Variants in ANKRD16 observed in about 807,000 individuals in gnomAD.
ANKRD16 encodes ankyrin repeat domain-containing protein 16.
In ANKRD16, 35 loss-of-function variants were observed where a neutral mutation model predicts 37.9. That is an observed-to-expected ratio of 0.92 (90% CI 0.71 to 1.23). The LOEUF is 1.23. ANKRD16 is among the 50% of genes most tolerant of loss of function. The pLI is 0.00. For synonymous variants in ANKRD16, 206 were observed against 197.2 expected, an observed-to-expected ratio of 1.04 and a Z score of -0.37; for missense variants, 480 against 469.9, an observed-to-expected ratio of 1.02 and a Z score of -0.20.
chr10:5,868,381 T>C lies in ANKRD16; in HGVS notation c.*34-5690A>G, dbSNP rs879441854. Among the ~76,000 whole-genome samples, 4 of 152,136 alleles carry C rather than the reference T, an allele frequency of 2.6e-5. No individual in the cohort carries two copies. Among genetic ancestry groups the C allele is most frequent in the South Asian group, 2.1e-4 (1 of 4,824 alleles). On this transcript the variant is annotated intron_variant, in intron 7 of 7. Coordinates refer to ENST00000380094, the MANE Select transcript of ANKRD16 (RefSeq NM_019046.3). The surrounding 1 kb of genome is among the most constrained non-coding windows in gnomAD (Gnocchi z 4.9). ...GTCATCACCCAATTCCCAGTAGCAG[T>C]TGGGGTGTTCCGTTTAGAGGGTGGG... is the stretch of plus-strand genomic sequence containing the variant.
chr10:5,881,889 G>A lies in ANKRD16; in HGVS notation c.849+1117C>T, dbSNP rs1355693391. Among the ~76,000 whole-genome samples, 5 of 151,522 alleles carry A rather than the reference G, an allele frequency of 3.3e-5. No homozygotes were observed. In the South Asian group the frequency reaches 8.4e-4, roughly 25 times the overall value. ...TTTTTAGTAGAGACGGGGTTTCACCGTGTTAGCCAGGATGGTCTCGATCTC... is the reference window on the plus strand; with the variant it reads ...TTTTTAGTAGAGACGGGGTTTCACCATGTTAGCCAGGATGGTCTCGATCTC... On this transcript the variant is annotated intron_variant, in intron 5 of 7. Coordinates refer to ENST00000380094, the MANE Select transcript of ANKRD16 (RefSeq NM_019046.3).
rs559944541 is a variant in ANKRD16, at chr10:5,878,564, C to T, written c.929-277G>A. 2.6e-3 allele frequency among the ~76,000 whole-genome samples: 399 copies of T among 151,964 alleles called. 2 individuals are homozygous for T. Among genetic ancestry groups the T allele is most frequent in the African/African-American group, 9.2e-3 (380 of 41,456 alleles). ...CCTGTAATCCCAGCACTCTGGGAGGCTGAGGTAGGCAGATCATGAGGTCAA... is the reference window on the plus strand; with the variant it reads ...CCTGTAATCCCAGCACTCTGGGAGGTTGAGGTAGGCAGATCATGAGGTCAA... On this transcript the variant is annotated intron_variant, in intron 6 of 7. Coordinates refer to ENST00000380094, the MANE Select transcript of ANKRD16 (RefSeq NM_019046.3). The surrounding 1 kb of genome is among the most constrained non-coding windows in gnomAD (Gnocchi z 5.1).
At position 5,878,041 on chromosome 10, in the gene ANKRD16, C is replaced by A; in HGVS notation, c.*33+56G>T. On this transcript the variant is annotated intron_variant, in intron 7 of 7. Coordinates refer to ENST00000380094, the MANE Select transcript of ANKRD16 (RefSeq NM_019046.3). The surrounding 1 kb of genome is among the most constrained non-coding windows in gnomAD (Gnocchi z 5.1). ...GGAAGTGGAGGAGATGGAAAACTGG[C>A]TTCCAACTGGTTTCGCTGAATCTGT... The A allele has an allele frequency of 6.6e-7, 1 of 1,523,134 alleles. No individual in the cohort carries two copies. 94.4% of individuals were successfully genotyped at this position (1,523,134 alleles called of 1,614,324 possible). A position where few individuals can be genotyped will look rare whatever the true frequency, so the allele number is the denominator to read the frequency against.
chr10:5,873,778 T>C (rs1322666501), intron 7 of ANKRD16, among the ~76,000 whole-genome samples: 1 of 152,204 alleles, frequency 6.6e-6, no homozygotes, highest in Non-Finnish European at 1.5e-5. Flanking sequence ...CATTTTGTGA[T>C]CCTTTCCCTC....
In ANKRD16 at chr10:5,873,320, G is replaced by A. The variant is rs183754089; in HGVS notation, c.*33+4777C>T. Among the ~76,000 whole-genome samples, 180 of 152,130 alleles carry A rather than the reference G, an allele frequency of 1.2e-3. 1 individual carries two copies. Among genetic ancestry groups the A allele is most frequent in the African/African-American group, 3.7e-3 (155 of 41,486 alleles). Reference sequence around the variant, plus strand: ...GCTGGGATAACAGGCATGAGCCACCGTCCCCAGCACGCCTGGACAATTTTT... The same window carrying A: ...GCTGGGATAACAGGCATGAGCCACCATCCCCAGCACGCCTGGACAATTTTT... On this transcript the variant is annotated intron_variant, in intron 7 of 7. Coordinates refer to ENST00000380094, the MANE Select transcript of ANKRD16 (RefSeq NM_019046.3).
intron 3 of ANKRD16, among the ~76,000 whole-genome samples, chr10:5,885,077 A>G (rs1842395686): frequency 6.6e-6 from 1 of 152,224 alleles, no homozygotes; most frequent in African/African-American, 2.4e-5. Flanking sequence ...GGACTCCTTC[A>G]TGGTCTGTCT....
chr10:5,879,728 T>TTAAATAAC (rs34736787), intron 6 of ANKRD16, among the ~76,000 whole-genome samples: 1 of 6,688 alleles, frequency 1.5e-4, no homozygotes, highest in East Asian at 6.0e-3. Context: ...CATATATTGT[T>TTAAATAAC]ATGGTTTAAA....
At chr10:5,872,762 T>A (rs547997067) in intron 7 of ANKRD16, among the ~76,000 whole-genome samples, 173 of 151,692 alleles carry the variant, frequency 1.1e-3, no homozygotes, top group Admixed American at 5.3e-3. Flanking sequence ...TTCACCGTGT[T>A]AGCCAAGATG....
intron 6 of ANKRD16, among the ~76,000 whole-genome samples, chr10:5,879,181 A>G (rs1842239736): frequency 6.6e-6 from 1 of 152,144 alleles, no homozygotes; most frequent in African/African-American, 2.4e-5. Context: ...AGCATCAGAA[A>G]GATCCCACTA....
chr10:5,880,326 G>A lies in ANKRD16; in HGVS notation c.900C>T (p.Ile300=). The change falls in exon 6 of 8, where the codon ATC becomes ATT. Residue 300 remains isoleucine (I), a synonymous_variant. Transcript: ENST00000380094. ...IQTLLSLGAD[I]NSKDEKNRSA... is the part of the protein sequence containing the mutation. ...ATCGATTTTTTTCATCTTTAGAATT[G>A]ATGTCAGCTCCCAAGGATAAGAGAG... 6.2e-7 allele frequency: 1 copy of A among 1,601,164 alleles called. No individual in the cohort carries two copies. Among genetic ancestry groups the A allele is most frequent in the Non-Finnish European group, 8.5e-7 (1 of 1,174,698 alleles).
chr10:5,862,756 A>T lies in ANKRD16; in HGVS notation c.*34-65T>A. On this transcript the variant is annotated intron_variant, in intron 7 of 7. Transcript: ENST00000380094. This position sits in a 1 kb window ranked among gnomAD's most constrained non-coding sequence, Gnocchi z 6.5. ...AAACAGAAGCTCAGAGAGGGCAAGC[A>T]GCTAGCACAAGGTCCCACAGCTGGA... 1 of 1,144,852 alleles carries T rather than the reference A, an allele frequency of 8.7e-7. No individual in the cohort carries two copies. Among genetic ancestry groups the T allele is most frequent in the Non-Finnish European group, 1.2e-6 (1 of 857,174 alleles). The allele number at this position is 1,144,852 out of a possible 1,614,324, so 70.9% of individuals were successfully genotyped here.
chr10:5,869,793 A>G lies in ANKRD16; in HGVS notation c.*34-7102T>C. Among the ~76,000 whole-genome samples, 1 of 151,180 alleles carries G rather than the reference A, an allele frequency of 6.6e-6. No individual in the cohort carries two copies. The highest frequency in any genetic ancestry group is 2.4e-5 in the African/African-American group (1 of 41,118). ...TGGGGGGAGGGGTGGGTGGGTGGGA[A>G]TCTGCATCTTTAATAGTTTCTAATT... On this transcript the variant is annotated intron_variant, in intron 7 of 7. Transcript: ENST00000380094. The surrounding 1 kb of genome is among the most constrained non-coding windows in gnomAD (Gnocchi z 4.0).
At chr10:5,886,387 T>C (rs946842294) in intron 2 of ANKRD16, among the ~76,000 whole-genome samples, 1 of 152,198 alleles carries the variant, frequency 6.6e-6, no homozygotes, top group Non-Finnish European at 1.5e-5. Context: ...GGTCAGGAGT[T>C]CAAGACCAGC....
intron 5 of ANKRD16, among the ~76,000 whole-genome samples, chr10:5,881,438 T>TTATAAATATAAATATA (rs1422263395): frequency 2.0e-5 from 1 of 51,026 alleles, no homozygotes; most frequent in Non-Finnish European, 3.8e-5. Context: ...AAAATATTAT[T>TTATAAATATAAATATA]TATATATATA....
At chr10:5,880,440 A>G in intron 5 of ANKRD16, 64 bp from the exon 6 acceptor site, 1 of 1,024,104 alleles carries the variant, frequency 9.8e-7, no homozygotes, top group Non-Finnish European at 1.4e-6. Context: ...GCAAACCAAA[A>G]AGTATCTGAG....
intron 7 of ANKRD16, among the ~76,000 whole-genome samples, chr10:5,877,331 T>G (rs143824306): frequency 0.031 from 4,752 of 152,338 alleles, 237 homozygotes; most frequent in African/African-American, 0.11. Context: ...CAGGCTGGTC[T>G]TGAACTCCCG....
At position 5,870,927 on chromosome 10, in the gene ANKRD16, G is replaced by C. The variant is rs1842079506; in HGVS notation, c.*33+7170C>G. ...CCCCGTGCTTTCCCAGGAGCGCCCAGGCCTGTCCTCAGTATCAAGTCAATC... is the reference window on the plus strand; with the variant it reads ...CCCCGTGCTTTCCCAGGAGCGCCCACGCCTGTCCTCAGTATCAAGTCAATC... On this transcript the variant is annotated intron_variant, in intron 7 of 7. Transcript: ENST00000380094. The surrounding 1 kb of genome is among the most constrained non-coding windows in gnomAD (Gnocchi z 5.0). Among the ~76,000 whole-genome samples, 7 of 152,300 alleles carry C rather than the reference G, an allele frequency of 4.6e-5. No homozygotes were observed. The South Asian group carries it at 1.4e-3, about 32-fold the overall frequency.
chr10:5,872,803 C>T (rs182673444), intron 7 of ANKRD16, among the ~76,000 whole-genome samples: 3 of 151,582 alleles, frequency 2.0e-5, no homozygotes, highest in East Asian at 2.0e-4. Context: ...TGATCTGCCC[C>T]CCTTGGCCTC....
chr10:5,874,254 C>G lies in ANKRD16; in HGVS notation c.*33+3843G>C, dbSNP rs943438140. Among the ~76,000 whole-genome samples the G allele has an allele frequency of 1.3e-5, 2 of 151,894 alleles. No homozygotes were observed. Among genetic ancestry groups the G allele is most frequent in the Non-Finnish European group, 2.9e-5 (2 of 68,006 alleles). The stretch of plus-strand genomic sequence containing the variant: ...CATGGGAGCGGGTGTGCTTTTAGGA[C>G]AAGCTGACAGCCCTGGTGGAAGTGG... On this transcript the variant is annotated intron_variant, in intron 7 of 7. Coordinates refer to ENST00000380094, the MANE Select transcript of ANKRD16 (RefSeq NM_019046.3). The surrounding 1 kb of genome is among the most constrained non-coding windows in gnomAD (Gnocchi z 4.7).
Sources: allele counts gnomAD v4.1 joint callset (sites outside exome capture counted in the v4.1 genomes callset), GRCh38; gene constraint gnomAD v4.1.1; non-coding constraint Gnocchi (gnomAD v3.1); transcripts MANE v1.5; gene names NCBI Gene and HGNC (gene_info 2026-07-23, HGNC 2026-07-21).